HIP1: variants seen among roughly 807,000 people sequenced by gnomAD.
HIP1 encodes the protein huntingtin interacting protein 1.
In HIP1, 65 loss-of-function variants were observed where a neutral mutation model predicts 147.6. That is an observed-to-expected ratio of 0.44 (90% confidence interval 0.36 to 0.54). HIP1 has a LOEUF of 0.54. Among genes scored for constraint, HIP1 ranks in the 20% least tolerant of loss-of-function variants. HIP1 has a pLI of 0.00. For synonymous variants in HIP1, 479 were observed against 504.0 expected (o/e 0.95, Z 0.67); for missense variants, 1,061 against 1,299.6 (o/e 0.82, Z 2.82).
At chr7:75,578,472 T>C (rs1205336965) in intron 7 of HIP1, among the ~76,000 whole-genome samples, 1 of 152,154 alleles carries the variant, frequency 6.6e-6, no homozygotes, top group Admixed American at 6.6e-5. Context: ...GCTCAGGAGT[T>C]TGAGACCAGC....
intron 22 of HIP1, among the ~76,000 whole-genome samples, chr7:75,549,283 C>G (rs1214472194): frequency 2.6e-5 from 4 of 152,068 alleles, no homozygotes; most frequent in Non-Finnish European, 4.4e-5. Context: ...GACCCCAGTC[C>G]CTTAGTTGTG....
At chr7:75,737,413 G>A (rs1254949273) in intron 1 of HIP1, among the ~76,000 whole-genome samples, 2 of 151,886 alleles carry the variant, frequency 1.3e-5, no homozygotes, top group Non-Finnish European at 1.5e-5. Flanking sequence ...GCGCCATCTC[G>A]GCTCACTGCA....
chr7:75,582,627 T>C (rs1336020135), intron 5 of HIP1, among the ~76,000 whole-genome samples: 2 of 151,758 alleles, frequency 1.3e-5, no homozygotes, highest in South Asian at 2.1e-4. Context: ...CTGGCCAACA[T>C]GGCAAAACCC....
At chr7:75,545,020 G>C in intron 26 of HIP1, 68 bp downstream of exon 26, 1 of 967,976 alleles carries the variant, frequency 1.0e-6, no homozygotes, top group Non-Finnish European at 1.6e-6. Flanking sequence ...TCCCTCCTTA[G>C]CTATTGTTTG....
At chr7:75,572,637 G>A (rs1300539675) in intron 8 of HIP1, among the ~76,000 whole-genome samples, 1 of 152,186 alleles carries the variant, frequency 6.6e-6, no homozygotes, top group East Asian at 1.9e-4. Context: ...CACACTCCAT[G>A]GAACAGGCAG....
chr7:75,716,993 T>G (rs182407518), intron 1 of HIP1, among the ~76,000 whole-genome samples: 38 of 152,164 alleles, frequency 2.5e-4, no homozygotes, highest in African/African-American at 8.7e-4. Context: ...TTTTTAAATT[T>G]TGTTTTGTAG....
At chr7:75,734,073 T>C (rs1000842461) in intron 1 of HIP1, among the ~76,000 whole-genome samples, 3 of 151,860 alleles carry the variant, frequency 2.0e-5, no homozygotes, top group African/African-American at 2.4e-5. Context: ...AGTGAGACCC[T>C]GTCTCTACTA....
At position 75,672,129 on chromosome 7, in the gene HIP1, G is replaced by A. The variant is rs192883372; in HGVS notation, c.120+66672C>T. Reference sequence around the variant, plus strand: ...GCATTTCCTTAGTGATTAGTGATAGGCACCTTTGCATGTGCTTATTGACCA... The same window carrying A: ...GCATTTCCTTAGTGATTAGTGATAGACACCTTTGCATGTGCTTATTGACCA... On this transcript the variant is annotated intron_variant, in intron 1 of 30. Transcript: ENST00000336926. Among the ~76,000 whole-genome samples the A allele has an allele frequency of 9.9e-5, 15 of 152,264 alleles. No individual in the cohort carries two copies. In the East Asian group the frequency reaches 1.4e-3, roughly 14 times the overall value.
intron 1 of HIP1, among the ~76,000 whole-genome samples, chr7:75,723,700 T>C (rs1801565889): frequency 6.6e-6 from 1 of 152,070 alleles, no homozygotes; most frequent in African/African-American, 2.4e-5. Context: ...CTTGTGCTTG[T>C]AGCTAGAGAA....
At chr7:75,632,561 C>CTTT (rs58364410) in intron 1 of HIP1, among the ~76,000 whole-genome samples, 4 of 134,260 alleles carry the variant, frequency 3.0e-5, no homozygotes, top group Non-Finnish European at 3.2e-5. Context: ...CTAATTTTTT[C>CTTT]TTTTTTTTTT....
At chr7:75,726,123 C>T (rs1485943711) in intron 1 of HIP1, among the ~76,000 whole-genome samples, 1 of 152,156 alleles carries the variant, frequency 6.6e-6, no homozygotes, top group African/African-American at 2.4e-5. Flanking sequence ...GGATTGCAGG[C>T]GTGAGCCACC....
At chr7:75,637,712 G>A (rs1798475433) in intron 1 of HIP1, among the ~76,000 whole-genome samples, 1 of 151,476 alleles carries the variant, frequency 6.6e-6, no homozygotes, top group South Asian at 2.1e-4. Context: ...AAGACATGAA[G>A]CCCCTCAAGC....
chr7:75,543,570 C>A (rs887853324), intron 27 of HIP1, among the ~76,000 whole-genome samples: 4 of 152,070 alleles, frequency 2.6e-5, no homozygotes, highest in African/African-American at 9.7e-5. Flanking sequence ...CCAGGCTGGT[C>A]TTGAACTCCC....
Position 75,544,732 on chromosome 7 carries a change from A to G in HIP1, c.2729T>C (p.Ile910Thr). The change falls in exon 27 of 31, where the codon ATT (isoleucine) becomes ACT (threonine). Residue 910 changes from isoleucine (I) to threonine (T), a missense_variant. By Grantham distance (89) the Ile-to-Thr change is moderately conservative. Around this residue, in one of 3 missense-constraint regions of HIP1, gnomAD observed 810 missense variants for 946.8 expected, o/e 0.86. Transcript: ENST00000336926. ...CACAAGCTGGGCTGTGCTAGCAGCA[A>G]TTTCATGAGAACACACCATTAGCTC... is the stretch of plus-strand genomic sequence containing the variant. ...FEELMVCSHE[I>T]AASTAQLVAA... 6.2e-7 allele frequency: 1 copy of G among 1,613,836 alleles called. No homozygotes were observed. The highest frequency in any genetic ancestry group is 8.5e-7 in the Non-Finnish European group (1 of 1,179,706).
At chr7:75,630,320 A>G (rs587624798) in intron 1 of HIP1, among the ~76,000 whole-genome samples, 11 of 151,612 alleles carry the variant, frequency 7.3e-5, no homozygotes, top group Non-Finnish European at 1.2e-4. Flanking sequence ...TCAGCCAGGT[A>G]TGGTGGTGTG....
intron 1 of HIP1, among the ~76,000 whole-genome samples, chr7:75,690,719 G>A (rs556883816): frequency 2.0e-5 from 3 of 152,114 alleles, no homozygotes; most frequent in African/African-American, 4.8e-5. Flanking sequence ...AAAATTAGCC[G>A]GGCATGGTGG....
chr7:75,563,673 CTCT>C (rs1235495205), intron 9 of HIP1, among the ~76,000 whole-genome samples: 1 of 152,146 alleles, frequency 6.6e-6, no homozygotes, highest in East Asian at 1.9e-4. Context: ...AAAGGTAGCT[CTCT>C]TCTTTCATTA....
At chr7:75,555,758 G>T (rs782439373) in intron 18 of HIP1, among the ~76,000 whole-genome samples, 21 of 152,202 alleles carry the variant, frequency 1.4e-4, no homozygotes, top group Non-Finnish European at 4.4e-5. Context: ...GAGGCTGTGG[G>T]GATGGATCAC....
chr7:75,720,193 C>T (rs1554521084), intron 1 of HIP1, among the ~76,000 whole-genome samples: 1 of 152,118 alleles, frequency 6.6e-6, no homozygotes, highest in Non-Finnish European at 1.5e-5. Context: ...CAGAGTCTCG[C>T]TCTGTCACCC....
Sources: gnomAD v4.1 joint callset for allele counts (sites outside exome capture counted in the v4.1 genomes callset) on GRCh38, gnomAD v4.1.1 for gene constraint, gnomAD v4.1.1 regional missense constraint, MANE v1.5 for transcripts, NCBI Gene and HGNC (gene_info 2026-07-23, HGNC 2026-07-21) for gene names.